The following PDLIM5 variants were observed in gnomAD, a reference collection of about 807,000 sequenced individuals.
PDLIM5 encodes the protein PDZ and LIM domain 5.
A neutral mutation model predicts 64.2 loss-of-function variants in PDLIM5; 34 were observed. The observed-to-expected ratio is 0.53, with a 90% CI of 0.40 to 0.71. The LOEUF is 0.71. Ranked by LOEUF, PDLIM5 falls within the 30% of genes least tolerant of loss-of-function variation. The pLI is 0.00. For missense variants in PDLIM5, 683 were observed against 733.6 expected (o/e 0.93, Z 0.80); for synonymous variants, 253 against 269.1 (o/e 0.94, Z 0.59).
At chr4:94,486,116 A>T (rs575235735) in intron 2 of PDLIM5, among the ~76,000 whole-genome samples, 10 of 152,076 alleles carry the variant, frequency 6.6e-5, no homozygotes, top group Non-Finnish European at 1.3e-4. Context: ...TGTTCCAACC[A>T]CTCAGTACAG....
chr4:94,557,813 C>T (rs548799499), intron 3 of PDLIM5, among the ~76,000 whole-genome samples: 15 of 152,250 alleles, frequency 9.9e-5, no homozygotes, highest in East Asian at 1.9e-4. Context: ...TGGGCTGAGA[C>T]GATGGAGTTT....
At chr4:94,607,991 G>C (rs1738063395) in intron 7 of PDLIM5, 1 of 1,139,654 alleles carries the variant, frequency 8.8e-7, no homozygotes, top group African/African-American at 1.6e-5. Flanking sequence ...TGGTATAGAT[G>C]ATAAATGTCT....
intron 5 of PDLIM5, among the ~76,000 whole-genome samples, chr4:94,576,320 T>A (rs956384765): frequency 6.6e-6 from 1 of 152,220 alleles, no homozygotes. Flanking sequence ...AGCTGGCACT[T>A]GTAATGCAAG....
Position 94,599,933 on chromosome 4 carries a change from G to A in PDLIM5, c.920+13489G>A, listed in dbSNP as rs73834206. Among the ~76,000 whole-genome samples, 1,123 of 152,284 alleles carry A rather than the reference G, an allele frequency of 7.4e-3. 17 individuals are homozygous for A. The highest frequency in any genetic ancestry group is 0.026 in the African/African-American group (1,063 of 41,570). ...TCTGTTTGAAGAGACTGTAAAGAAG[G>A]TATAGTAAAACAGTAATGGGTTTGT... On this transcript the variant is annotated intron_variant, in intron 7 of 12. Transcript: ENST00000317968.
chr4:94,579,623 TA>T, intron 5 of PDLIM5: 2 of 587,452 alleles, frequency 3.4e-6, no homozygotes, highest in Non-Finnish European at 5.8e-6. Context: ...AAAATTAAGT[TA>T]AATTTTGCAA....
chr4:94,654,784 A>T (rs1480810664), intron 10 of PDLIM5, 144 bp downstream of exon 10: 2 of 595,270 alleles, frequency 3.4e-6, no homozygotes, highest in Non-Finnish European at 5.9e-6. Flanking sequence ...ATTGTAAAGC[A>T]AAACTAAATA....
intron 9 of PDLIM5, among the ~76,000 whole-genome samples, chr4:94,646,789 C>G (rs181757417): frequency 6.6e-5 from 10 of 152,252 alleles, no homozygotes; most frequent in Non-Finnish European, 1.2e-4. Context: ...GTATATATTT[C>G]TAGTCTACCC....
intron 2 of PDLIM5, among the ~76,000 whole-genome samples, chr4:94,473,888 T>C (rs1179400999): frequency 6.6e-6 from 1 of 152,190 alleles, no homozygotes; most frequent in Non-Finnish European, 1.5e-5. Context: ...TGGAGTCAGA[T>C]TAAATACATA....
At chr4:94,541,633 G>T (rs565420724) in intron 3 of PDLIM5, among the ~76,000 whole-genome samples, 1 of 152,290 alleles carries the variant, frequency 6.6e-6, no homozygotes, top group East Asian at 1.9e-4. Flanking sequence ...CCAGCCCCTT[G>T]TTTTGTCCAT....
chr4:94,586,985 A>G, intron 7 of PDLIM5: 4 of 1,453,416 alleles, frequency 2.8e-6, no homozygotes, highest in Non-Finnish European at 3.7e-6. Flanking sequence ...TTGTATTTCC[A>G]CAGGGAAAAG....
chr4:94,529,649 A>G (rs1006386057), intron 3 of PDLIM5, among the ~76,000 whole-genome samples: 2 of 152,170 alleles, frequency 1.3e-5, no homozygotes, highest in Non-Finnish European at 2.9e-5. Flanking sequence ...TTTTCTTTCT[A>G]TGACATCCTA....
At chr4:94,594,270 G>A (rs1346858740) in intron 7 of PDLIM5, among the ~76,000 whole-genome samples, 1 of 151,942 alleles carries the variant, frequency 6.6e-6, no homozygotes, top group African/African-American at 2.4e-5. Flanking sequence ...ATGAACATTT[G>A]TTTTTTAATG....
At chr4:94,548,613 A>G (rs187400017) in intron 3 of PDLIM5, among the ~76,000 whole-genome samples, 20 of 152,296 alleles carry the variant, frequency 1.3e-4, no homozygotes, top group African/African-American at 4.6e-4. Flanking sequence ...AGAGGAAATA[A>G]AGGGGTGAAC....
chr4:94,661,694 A>G (rs1742732140), intron 11 of PDLIM5, among the ~76,000 whole-genome samples: 1 of 152,210 alleles, frequency 6.6e-6, no homozygotes, highest in Non-Finnish European at 1.5e-5. Context: ...CAGATACGCT[A>G]TGAAATTTGC....
At chr4:94,587,571 A>C in intron 7 of PDLIM5, 3 of 948,490 alleles carry the variant, frequency 3.2e-6, no homozygotes, top group Non-Finnish European at 3.8e-6. Context: ...ATAAGGAGGC[A>C]AGAATAAACA....
intron 2 of PDLIM5, among the ~76,000 whole-genome samples, chr4:94,460,770 T>C (rs1723810077): frequency 6.6e-6 from 1 of 152,220 alleles, no homozygotes; most frequent in Non-Finnish European, 1.5e-5. Flanking sequence ...TACAGCTGTA[T>C]ATTGGAATGA....
chr4:94,599,614 G>T (rs1737333420), intron 7 of PDLIM5, among the ~76,000 whole-genome samples: 1 of 152,140 alleles, frequency 6.6e-6, no homozygotes, highest in Non-Finnish European at 1.5e-5. Context: ...TTAAAGTGAA[G>T]AAATCAAACA....
At chr4:94,545,024 T>G (rs1732182767) in intron 3 of PDLIM5, among the ~76,000 whole-genome samples, 1 of 152,240 alleles carries the variant, frequency 6.6e-6, no homozygotes, top group South Asian at 2.1e-4. Flanking sequence ...AGTTCAAACC[T>G]GACTTCATCA....
intron 7 of PDLIM5, among the ~76,000 whole-genome samples, chr4:94,595,770 T>A (rs1737025200): frequency 6.6e-6 from 1 of 152,190 alleles, no homozygotes; most frequent in South Asian, 2.1e-4. Flanking sequence ...TAGTTGAGTA[T>A]ATTACCTAAA....
Sources: allele counts gnomAD v4.1 joint callset (sites outside exome capture counted in the v4.1 genomes callset), GRCh38; gene constraint gnomAD v4.1.1; transcripts MANE v1.5; gene names NCBI Gene and HGNC (gene_info 2026-07-23, HGNC 2026-07-21).